The following CMYA5 variants were observed in gnomAD, a reference collection of about 807,000 sequenced individuals.
CMYA5 encodes the protein cardiomyopathy associated 5, also known as cardiomyopathy-associated protein 5.
A neutral mutation model predicts 318.9 loss-of-function variants in CMYA5; 246 were observed. The observed-to-expected ratio is 0.77, with a 90% CI of 0.70 to 0.86. The LOEUF (loss-of-function observed/expected upper bound fraction) is 0.86, where lower values mean the gene tolerates loss of function less well. Ranked by LOEUF, CMYA5 falls within the 40% of genes least tolerant of loss-of-function variation. The pLI is 0.00. For missense variants in CMYA5, 4,589 were observed against 4,678.2 expected, an observed-to-expected ratio of 0.98 and a Z score of 0.56; for synonymous variants, 1,641 against 1,729.5, an observed-to-expected ratio of 0.95 and a Z score of 1.27.
intron 2 of CMYA5, among the ~76,000 whole-genome samples, chr5:79,743,620 G>GT (rs1023851270): frequency 6.6e-6 from 1 of 152,014 alleles, no homozygotes; most frequent in Non-Finnish European, 1.5e-5. Flanking sequence ...TTGTTTTGAG[G>GT]TTTTCACTCA....
chr5:79,714,026 T>C (rs1827464393), intron 1 of CMYA5, among the ~76,000 whole-genome samples: 1 of 152,184 alleles, frequency 6.6e-6, no homozygotes, highest in Non-Finnish European at 1.5e-5. Flanking sequence ...TCCAAAGCCC[T>C]AGGAAAGACA....
chr5:79,708,925 G>C (rs1827326398), intron 1 of CMYA5, among the ~76,000 whole-genome samples: 1 of 152,190 alleles, frequency 6.6e-6, no homozygotes, highest in Non-Finnish European at 1.5e-5. Flanking sequence ...CTGGGTGACA[G>C]AGCAAGACCC....
Position 79,731,471 on chromosome 5 carries a change from A to G in CMYA5, c.2706A>G (p.Glu902=), listed in dbSNP as rs370206477. The change falls in exon 2 of 13, where the codon GAA becomes GAG. Residue 902 remains glutamate (E), a synonymous_variant. Coordinates refer to ENST00000446378, the MANE Select transcript of CMYA5 (RefSeq NM_153610.5). ...RYTPSSTSAS[E]FSVPPYATPE... The stretch of plus-strand genomic sequence containing the variant: ...CACCCTCTTCTACATCTGCTTCTGA[A>G]TTTTCAGTACCACCATATGCAACAC... 3.0e-5 allele frequency: 49 copies of G among 1,608,396 alleles called. No homozygotes were observed. In the African/African-American group the frequency reaches 6.1e-4, roughly 20 times the overall value.
At chr5:79,765,628 A>C (rs1011282567) in intron 9 of CMYA5, among the ~76,000 whole-genome samples, 4 of 152,126 alleles carry the variant, frequency 2.6e-5, no homozygotes, top group Admixed American at 2.6e-4. Flanking sequence ...TGAGCATGGA[A>C]TGTTTTTCCA....
At position 79,736,385 on chromosome 5, in the gene CMYA5, A is replaced by G. The variant is rs769337773; in HGVS notation, c.7620A>G (p.Glu2540=). Residue 2540 remains glutamate (E), a synonymous_variant, in exon 2 of 13, where the codon GAA becomes GAG. Coordinates refer to ENST00000446378, the MANE Select transcript of CMYA5 (RefSeq NM_153610.5). The stretch of plus-strand genomic sequence containing the variant: ...GTTCTGAAAAGGAGAAAGGTGAAGA[A>G]AAAGAAAATCAGGTATATGTGCTTT... The part of the protein sequence containing the change: ...IVGSEKEKGE[E]KENQVYVLSE... 5 of 1,612,498 alleles carry G rather than the reference A, an allele frequency of 3.1e-6. No individual in the cohort carries two copies. Among genetic ancestry groups the G allele is most frequent in the Non-Finnish European group, 4.2e-6 (5 of 1,179,184 alleles).
In CMYA5 at chr5:79,732,276, TCA is replaced by T; in HGVS notation, c.3512_3513del (p.Ser1171CysfsTer4). 2 of 1,613,892 alleles carry T rather than the reference TCA, an allele frequency of 1.2e-6. No homozygotes were observed. The highest frequency in any genetic ancestry group is 1.7e-6 in the Non-Finnish European group (2 of 1,179,864). On this transcript the variant is annotated frameshift_variant, in exon 2 of 13. Coordinates refer to ENST00000446378, the MANE Select transcript of CMYA5 (RefSeq NM_153610.5). LOFTEE classifies it high-confidence loss of function. ...KEETKPASPH[S>X]VLPDSVPAIK... ...AGAAACCAAACCTGCATCTCCACAT[TCA>T]GTTTTACCTGATTCAGTCCCTGCAA...
intron 1 of CMYA5, among the ~76,000 whole-genome samples, chr5:79,715,539 G>A (rs1209968771): frequency 6.6e-6 from 1 of 151,998 alleles, no homozygotes; most frequent in Non-Finnish European, 1.5e-5. Context: ...CACCCGCCTC[G>A]GCCTCCCAAA....
intron 5 of CMYA5, among the ~76,000 whole-genome samples, chr5:79,748,312 A>G (rs1043240784): frequency 2.0e-5 from 3 of 152,092 alleles, no homozygotes; most frequent in African/African-American, 7.2e-5. Flanking sequence ...AATTCCCCAC[A>G]CTGGCTGTGC....
intron 9 of CMYA5, among the ~76,000 whole-genome samples, chr5:79,766,792 T>A (rs1357245937): frequency 6.6e-6 from 1 of 152,202 alleles, no homozygotes; most frequent in Admixed American, 6.5e-5. Context: ...TTTGCCAAGT[T>A]TTGGTATCAG....
Position 79,733,933 on chromosome 5 carries a change from T to G in CMYA5, c.5168T>G (p.Leu1723Arg), listed in dbSNP as rs372383206. 31 of 1,613,296 alleles carry G rather than the reference T, an allele frequency of 1.9e-5. No homozygotes were observed. The highest frequency in any genetic ancestry group is 2.4e-5 in the Non-Finnish European group (28 of 1,179,800). Reference sequence around the variant, plus strand: ...CCTTTCTCTCCCAAGATCATCAGCCTAGAGTCGAAAGAACCACCTGCCTCT... The same window carrying G: ...CCTTTCTCTCCCAAGATCATCAGCCGAGAGTCGAAAGAACCACCTGCCTCT... ...IKPFSPKIIS[L>R]ESKEPPASVA... The change falls in exon 2 of 13, where the codon CTA becomes CGA. Residue 1723 changes from leucine (L) to arginine (R), a missense_variant. Transcript: ENST00000446378.
At chr5:79,755,580 C>T (rs746320373) in intron 6 of CMYA5, among the ~76,000 whole-genome samples, 17 of 152,320 alleles carry the variant, frequency 1.1e-4, no homozygotes, top group Admixed American at 5.9e-4. Flanking sequence ...AGCCACTGCG[C>T]CCGGCCAGCA....
At chr5:79,799,266 A>C in intron 12 of CMYA5, 104 bp from the exon 13 acceptor site, 1 of 1,167,406 alleles carries the variant, frequency 8.6e-7, no homozygotes, top group South Asian at 1.6e-5. Flanking sequence ...CCTTATTGTG[A>C]AGTGGAGTTA....
chr5:79,739,647 T>G (rs1167900534), intron 2 of CMYA5, among the ~76,000 whole-genome samples: 1 of 151,496 alleles, frequency 6.6e-6, no homozygotes, highest in Non-Finnish European at 1.5e-5. Flanking sequence ...CAACCGCAGA[T>G]CAAATATATC....
Position 79,689,878 on chromosome 5 carries a change from T to TCCGGCTCCGGCC in CMYA5, c.-25_-24insTCCGGCCCCGGC, listed in dbSNP as rs1554097391. 18 of 697,604 alleles carry TCCGGCTCCGGCC rather than the reference T, an allele frequency of 2.6e-5. No individual in the cohort carries two copies. The African/African-American group carries it at 2.6e-4, about 10-fold the overall frequency. The allele number at this position is 697,604 out of a possible 1,614,324, so 43.2% of individuals were successfully genotyped here. ...CAGGCGCGGCGCGGGCGGCTCCGGC[T>TCCGGCTCCGGCC]CCGGCCCCGGCCCAGGCCCGGGAGA... is the stretch of plus-strand genomic sequence containing the variant. On this transcript the variant is annotated 5_prime_UTR_variant, in exon 1 of 13. Transcript: ENST00000446378.
In CMYA5 at chr5:79,736,608, G is replaced by A. The variant is rs1828074624; in HGVS notation, c.7843G>A (p.Val2615Ile). 1.2e-6 allele frequency: 2 copies of A among 1,613,860 alleles called. No homozygotes were observed. The highest frequency in any genetic ancestry group is 1.7e-6 in the Non-Finnish European group (2 of 1,179,810). ...AHPEIREAKA[V>I]GTQPHPLEES... ...CCCAGAAATCAGAGAAGCAAAGGCA[G>A]TAGGAACCCAACCACATCCTTTAGA... Residue 2615 changes from valine (V) to isoleucine (I), a missense_variant, in exon 2 of 13, where the codon GTA becomes ATA. Val to Ile is a conservative substitution (Grantham distance 29). Transcript: ENST00000446378.
Position 79,730,770 on chromosome 5 carries a change from T to C in CMYA5, c.2005T>C (p.Phe669Leu). The C allele has an allele frequency of 6.2e-7, 1 of 1,612,480 alleles. No homozygotes were observed. Among genetic ancestry groups the C allele is most frequent in the Non-Finnish European group, 8.5e-7 (1 of 1,179,486 alleles). Residue 669 changes from phenylalanine (F) to leucine (L), a missense_variant, in exon 2 of 13, where the codon TTT becomes CTT. Physicochemically the swap from Phe to Leu is conservative, Grantham distance 22. Coordinates refer to ENST00000446378, the MANE Select transcript of CMYA5 (RefSeq NM_153610.5). Reference protein sequence around the residue: ...EKTSENQSPLFSTVTPEYMVL... With the variant: ...EKTSENQSPLLSTVTPEYMVL... ...GACTTCAGAGAACCAGTCTCCACTG[T>C]TTTCAACAGTTACACCAGAATACAT... is the stretch of plus-strand genomic sequence containing the variant.
At chr5:79,690,678 G>A in intron 1 of CMYA5, among the ~76,000 whole-genome samples, 1 of 151,954 alleles carries the variant, frequency 6.6e-6, no homozygotes, top group East Asian at 1.9e-4. Context: ...CCCACCCTCC[G>A]TCCCTTTAAG....
Position 79,730,277 on chromosome 5 carries a change from A to G in CMYA5, c.1512A>G (p.Pro504=), listed in dbSNP as rs1273961775. Residue 504 remains proline (P), a synonymous_variant, in exon 2 of 13, where the codon CCA becomes CCG. Coordinates refer to ENST00000446378, the MANE Select transcript of CMYA5 (RefSeq NM_153610.5). ...CTGAACCTCTAATGTTAGAAGAACC[A>G]GAGAAAGAAGAAATAGAAACTTCCC... The part of the protein sequence containing the change: ...SLSEPLMLEE[P]EKEEIETSLP... 1.2e-6 allele frequency: 2 copies of G among 1,613,906 alleles called. No individual in the cohort carries two copies. Among genetic ancestry groups the G allele is most frequent in the South Asian group, 1.1e-5 (1 of 91,090 alleles).
intron 1 of CMYA5, among the ~76,000 whole-genome samples, chr5:79,708,423 C>T (rs1827316165): frequency 6.6e-6 from 1 of 152,066 alleles, no homozygotes; most frequent in Admixed American, 6.5e-5. Flanking sequence ...AGATTGAGAT[C>T]ATCCTGGCTA....
Sources: gnomAD v4.1 joint callset for allele counts (sites outside exome capture counted in the v4.1 genomes callset) on GRCh38, gnomAD v4.1.1 for gene constraint, MANE v1.5 for transcripts, NCBI Gene and HGNC (gene_info 2026-07-23, HGNC 2026-07-21) for gene names.